SMARCC1: variants seen among roughly 807,000 people sequenced by gnomAD.
SMARCC1 encodes SWI/SNF complex subunit SMARCC1.
Under a neutral mutation model 147.4 loss-of-function variants are expected in SMARCC1, and 43 were observed. The ratio of observed to expected loss-of-function variants is 0.29; its 90% CI spans 0.23 to 0.38. The LOEUF is 0.38. Ranked by LOEUF, SMARCC1 falls within the 10% of genes least tolerant of loss-of-function variation. The pLI, the probability that SMARCC1 is intolerant of heterozygous loss-of-function variation, is 1.00. For synonymous variants in SMARCC1, 495 were observed against 484.4 expected (o/e 1.02, Z -0.29); for missense variants, 1,119 against 1,381.1 (o/e 0.81, Z 3.01).
At chr3:47,716,084 G>A (rs2034152659) in intron 7 of SMARCC1, among the ~76,000 whole-genome samples, 1 of 151,020 alleles carries the variant, frequency 6.6e-6, no homozygotes, top group Non-Finnish European at 1.5e-5. Context: ...ACAAGTATTA[G>A]CTTCCTTTTA....
chr3:47,761,314 G>C (rs2034771072), intron 2 of SMARCC1, among the ~76,000 whole-genome samples: 1 of 151,558 alleles, frequency 6.6e-6, no homozygotes, highest in Non-Finnish European at 1.5e-5. Flanking sequence ...AAAAAAAAAA[G>C]ACAGGCTGAA....
chr3:47,702,150 T>C (rs1252539397), intron 10 of SMARCC1, among the ~76,000 whole-genome samples: 5 of 149,122 alleles, frequency 3.4e-5, no homozygotes, highest in Non-Finnish European at 7.4e-5. Flanking sequence ...AATTCTTTTG[T>C]ATAAAATCTT....
intron 14 of SMARCC1, among the ~76,000 whole-genome samples, chr3:47,684,896 A>G (rs1476769497): frequency 2.0e-5 from 3 of 152,246 alleles, no homozygotes; most frequent in African/African-American, 7.2e-5. Flanking sequence ...TTTAATTTAT[A>G]AATTAGACAC....
At chr3:47,666,146 A>G (rs996931224) in intron 19 of SMARCC1, among the ~76,000 whole-genome samples, 2 of 152,208 alleles carry the variant, frequency 1.3e-5, no homozygotes, top group Non-Finnish European at 2.9e-5. Flanking sequence ...ACGTTTCAAC[A>G]ATACACAGGC....
chr3:47,621,387 G>A (rs565781093), intron 25 of SMARCC1, among the ~76,000 whole-genome samples: 2 of 151,946 alleles, frequency 1.3e-5, no homozygotes, highest in Middle Eastern at 3.4e-3. Context: ...TCGCAATAGC[G>A]AAGACATGAA....
chr3:47,711,759 A>G (rs1194160969), intron 8 of SMARCC1, among the ~76,000 whole-genome samples: 1 of 152,218 alleles, frequency 6.6e-6, no homozygotes, highest in Non-Finnish European at 1.5e-5. Flanking sequence ...AATGATACCC[A>G]TCTGACTACA....
intron 21 of SMARCC1, among the ~76,000 whole-genome samples, chr3:47,657,137 G>C (rs1475877537): frequency 6.6e-6 from 1 of 152,128 alleles, no homozygotes; most frequent in African/African-American, 2.4e-5. Context: ...AAACAGAACT[G>C]AAGGAAGAAA....
rs1276565801 is a variant in SMARCC1 at position 47,640,824 on chromosome 3, G to A, written c.2321-2044C>T. ...CTAAATCTCATTTGTAATCACAAAC[G>A]AAAAACTAAGCAAATTATACTAAAA... On this transcript the variant is annotated intron_variant, in intron 21 of 27. Coordinates refer to ENST00000254480, the MANE Select transcript of SMARCC1 (RefSeq NM_003074.4). 2.6e-5 allele frequency among the ~76,000 whole-genome samples: 4 copies of A among 151,778 alleles called. No individual in the cohort carries two copies. The East Asian group carries it at 7.7e-4, about 29-fold the overall frequency.
intron 11 of SMARCC1, among the ~76,000 whole-genome samples, chr3:47,698,005 CAA>C (rs71070213): frequency 1.6e-4 from 2 of 12,490 alleles, no homozygotes; most frequent in African/African-American, 8.9e-4. Flanking sequence ...GCCTCCGCCT[CAA>C]AAAAAAAAAA....
At chr3:47,656,786 C>T (rs945540379) in intron 21 of SMARCC1, among the ~76,000 whole-genome samples, 21 of 152,028 alleles carry the variant, frequency 1.4e-4, no homozygotes, top group Middle Eastern at 3.4e-3. Context: ...TGGTGGTATG[C>T]GCCTGTAGTC....
intron 11 of SMARCC1, 144 bp downstream of exon 11, chr3:47,701,134 T>A: frequency 1.7e-6 from 1 of 578,074 alleles, no homozygotes; most frequent in Non-Finnish European, 2.9e-6. Flanking sequence ...TAAAGAAAAT[T>A]AAAAAAAGAT....
chr3:47,599,502 C>T (rs952630385), intron 26 of SMARCC1, among the ~76,000 whole-genome samples: 1 of 152,182 alleles, frequency 6.6e-6, no homozygotes, highest in African/African-American at 2.4e-5. Flanking sequence ...ACACTATAAA[C>T]CAGGCACTAT....
At chr3:47,705,208 C>A (rs2033976793) in intron 10 of SMARCC1, among the ~76,000 whole-genome samples, 1 of 151,216 alleles carries the variant, frequency 6.6e-6, no homozygotes, top group Admixed American at 6.6e-5. Flanking sequence ...GCCTGTAGTC[C>A]CAGCCACTAG....
intron 26 of SMARCC1, among the ~76,000 whole-genome samples, chr3:47,600,208 G>A (rs959207326): frequency 5.3e-5 from 8 of 152,222 alleles, no homozygotes. Flanking sequence ...CAGCAAAAAT[G>A]AAGGTCTAGA....
intron 5 of SMARCC1, among the ~76,000 whole-genome samples, chr3:47,735,386 C>T (rs1226640123): frequency 1.3e-5 from 2 of 152,068 alleles, no homozygotes; most frequent in African/African-American, 2.4e-5. Context: ...TATGGTGGCT[C>T]ACACCTATAA....
chr3:47,767,189 GAA>G (rs375076788), intron 2 of SMARCC1, among the ~76,000 whole-genome samples: 2 of 80,176 alleles, frequency 2.5e-5, no homozygotes, highest in African/African-American at 5.2e-5. Context: ...TCTCCAAAAA[GAA>G]AAAAAAAAAA....
chr3:47,686,728 G>A (rs972557608), intron 13 of SMARCC1, among the ~76,000 whole-genome samples: 3 of 152,126 alleles, frequency 2.0e-5, no homozygotes, highest in Non-Finnish European at 4.4e-5. Flanking sequence ...TCTCATGCCT[G>A]TAATTCCAAC....
At chr3:47,650,395 A>G (rs1421733768) in intron 21 of SMARCC1, among the ~76,000 whole-genome samples, 1 of 151,696 alleles carries the variant, frequency 6.6e-6, no homozygotes, top group Non-Finnish European at 1.5e-5. Flanking sequence ...TAGGTATACA[A>G]GATTTCACTG....
chr3:47,735,035 G>A (rs964838877), intron 5 of SMARCC1, among the ~76,000 whole-genome samples: 5 of 152,010 alleles, frequency 3.3e-5, no homozygotes, highest in Non-Finnish European at 7.4e-5. Flanking sequence ...GATTACAGGC[G>A]TGAGCCACCA....
Sources: allele counts gnomAD v4.1 joint callset (sites outside exome capture counted in the v4.1 genomes callset), GRCh38; gene constraint gnomAD v4.1.1; transcripts MANE v1.5; gene names NCBI Gene and HGNC (gene_info 2026-07-23, HGNC 2026-07-21).